INPP5A: variants seen among roughly 807,000 people sequenced by gnomAD.
INPP5A encodes 43 kDa inositol polyphosphate 5-phophatase.
In INPP5A, 14 loss-of-function variants were observed where a neutral mutation model predicts 65.2. The ratio of observed to expected loss-of-function variants is 0.21; its 90% CI spans 0.14 to 0.34. The LOEUF (loss-of-function observed/expected upper bound fraction) is 0.34, where lower values mean the gene tolerates loss of function less well. Among genes scored for constraint, INPP5A ranks in the 10% least tolerant of loss-of-function variants. The probability of loss-of-function intolerance (pLI) is 1.00; values close to 1 mark genes in which losing one functional copy is unlikely to be tolerated. For synonymous variants in INPP5A, 207 were observed against 208.3 expected, an observed-to-expected ratio of 0.99 and a Z score of 0.05; for missense variants, 431 against 545.6, an observed-to-expected ratio of 0.79 and a Z score of 2.09.
intron 11 of INPP5A, among the ~76,000 whole-genome samples, chr10:132,761,172 G>A (rs190021954): frequency 1.0e-3 from 155 of 152,298 alleles, no homozygotes; most frequent in African/African-American, 3.5e-3. Flanking sequence ...CCACATGCCC[G>A]TCTCTGGGTG....
intron 9 of INPP5A, among the ~76,000 whole-genome samples, chr10:132,732,709 G>A (rs1186837879): frequency 6.6e-6 from 1 of 152,184 alleles, no homozygotes; most frequent in Non-Finnish European, 1.5e-5. Context: ...CCCAGGGCAG[G>A]GGCGGTATCC....
chr10:132,714,564 T>C (rs1845706955), intron 8 of INPP5A, among the ~76,000 whole-genome samples: 1 of 152,118 alleles, frequency 6.6e-6, no homozygotes, highest in Non-Finnish European at 1.5e-5. Context: ...CCCAGGTCCA[T>C]GTCCCGTATC....
intron 1 of INPP5A, among the ~76,000 whole-genome samples, chr10:132,604,993 G>A (rs995409866): frequency 1.3e-5 from 2 of 152,130 alleles, no homozygotes; most frequent in Non-Finnish European, 2.9e-5. Context: ...TGTTTATCCT[G>A]AGAGAGCAGG....
At chr10:132,718,309 A>C (rs1414648942) in intron 8 of INPP5A, among the ~76,000 whole-genome samples, 3 of 141,514 alleles carry the variant, frequency 2.1e-5, no homozygotes, top group Admixed American at 7.2e-5. Flanking sequence ...AGCTGTCTTC[A>C]GGGTTCTGTG....
chr10:132,677,240 A>G (rs1456285552), intron 4 of INPP5A, among the ~76,000 whole-genome samples: 1 of 152,136 alleles, frequency 6.6e-6, no homozygotes, highest in Non-Finnish European at 1.5e-5. Context: ...CCCAGCTCAC[A>G]TTGGTCTTGG....
intron 1 of INPP5A, among the ~76,000 whole-genome samples, chr10:132,541,011 G>GACC (rs1554924439): frequency 3.7e-4 from 54 of 146,438 alleles, no homozygotes; most frequent in East Asian, 1.0e-3. Context: ...TTTTGTTTTA[G>GACC]ACAGGGTCTC....
intron 4 of INPP5A, among the ~76,000 whole-genome samples, chr10:132,677,252 G>A (rs528281221): frequency 1.3e-5 from 2 of 152,284 alleles, no homozygotes; most frequent in African/African-American, 4.8e-5. Flanking sequence ...TGGTCTTGGA[G>A]GTCCTGTGGA....
At position 132,708,515 on chromosome 10, in the gene INPP5A, C is replaced by T. The variant is rs572894659; in HGVS notation, c.527+150C>T. On this transcript the variant is annotated intron_variant, in intron 7 of 15. Transcript: ENST00000368594. ...CCTGACCCCCACCTGCCACTCTGAC[C>T]CTTTTGGTTCACGGCGATGCATTCG... 5.2e-5 allele frequency: 42 copies of T among 806,316 alleles called. No homozygotes were observed. The South Asian group carries it at 5.2e-4, about 10-fold the overall frequency. The allele number at this position is 806,316 out of a possible 1,614,324, so 49.9% of individuals were successfully genotyped here. A position where few individuals can be genotyped will look rare whatever the true frequency, so the allele number is the denominator to read the frequency against.
intron 9 of INPP5A, among the ~76,000 whole-genome samples, chr10:132,728,164 C>T (rs1055735025): frequency 1.3e-5 from 2 of 152,228 alleles, no homozygotes; most frequent in Non-Finnish European, 2.9e-5. Flanking sequence ...TTCAGTGGCT[C>T]CTGGTCGAGG....
chr10:132,705,492 G>A lies in INPP5A; in HGVS notation c.475-2821G>A, dbSNP rs1453442407. On this transcript the variant is annotated intron_variant, in intron 6 of 15. Coordinates refer to ENST00000368594, the MANE Select transcript of INPP5A (RefSeq NM_005539.5). The surrounding 1 kb of genome is among the most constrained non-coding windows in gnomAD (Gnocchi z 4.9). ...GGATGTGGGCTCAGTACCAGAGCCA[G>A]CTCGTGGTGTGAGGACGGATCCTCC... Among the ~76,000 whole-genome samples, 1 of 152,260 alleles carries A rather than the reference G, an allele frequency of 6.6e-6. No homozygotes were observed. The highest frequency in any genetic ancestry group is 1.5e-5 in the Non-Finnish European group (1 of 68,042).
intron 4 of INPP5A, among the ~76,000 whole-genome samples, chr10:132,656,836 C>T (rs1245781889): frequency 2.0e-5 from 3 of 152,224 alleles, no homozygotes; most frequent in Non-Finnish European, 4.4e-5. Context: ...GCACCCTTCC[C>T]TATGCAGCAG....
intron 2 of INPP5A, among the ~76,000 whole-genome samples, chr10:132,641,624 G>A (rs1301017288): frequency 6.6e-6 from 1 of 152,206 alleles, no homozygotes; most frequent in African/African-American, 2.4e-5. Flanking sequence ...GCACAGCTTC[G>A]CAAGGGCCCC....
rs1397274271 is a variant in INPP5A at position 132,675,849 on chromosome 10, C to T, written c.307-14543C>T. On this transcript the variant is annotated intron_variant, in intron 4 of 15. Coordinates refer to ENST00000368594, the MANE Select transcript of INPP5A (RefSeq NM_005539.5). This position sits in a 1 kb window ranked among gnomAD's most constrained non-coding sequence, Gnocchi z 4.2. The stretch of plus-strand genomic sequence containing the variant: ...CTGGCAGAAGGTATTTTGTAAACAG[C>T]TTGTGTTCAGTGTTGGCCATCTCTT... 2.0e-5 allele frequency among the ~76,000 whole-genome samples: 3 copies of T among 152,142 alleles called. No homozygotes were observed. The highest frequency in any genetic ancestry group is 4.8e-5 in the African/African-American group (2 of 41,412).
intron 1 of INPP5A, among the ~76,000 whole-genome samples, chr10:132,567,534 A>G (rs2071287452): frequency 6.6e-6 from 1 of 152,232 alleles, no homozygotes; most frequent in Non-Finnish European, 1.5e-5. Context: ...GTAAATAACC[A>G]TGCTTCGTTT....
At chr10:132,632,027 G>C (rs1039918750) in intron 2 of INPP5A, among the ~76,000 whole-genome samples, 1 of 152,234 alleles carries the variant, frequency 6.6e-6, no homozygotes, top group Non-Finnish European at 1.5e-5. Flanking sequence ...CTCGTGGGTG[G>C]AGATGTGCAC....
rs574655883 is a variant in INPP5A, at chr10:132,762,408, A to G, written c.904-3365A>G. Reference sequence around the variant, plus strand: ...ATGCAAGTGGCGGCGGGTTTCCAGAACAACCACAAAAATACACACCAGGAG... The same window carrying G: ...ATGCAAGTGGCGGCGGGTTTCCAGAGCAACCACAAAAATACACACCAGGAG... On this transcript the variant is annotated intron_variant, in intron 11 of 15. Coordinates refer to ENST00000368594, the MANE Select transcript of INPP5A (RefSeq NM_005539.5). The surrounding 1 kb of genome is among the most constrained non-coding windows in gnomAD (Gnocchi z 4.6). 2.5e-4 allele frequency among the ~76,000 whole-genome samples: 38 copies of G among 152,350 alleles called. 1 individual carries two copies. The Middle Eastern group carries it at 0.01, about 41-fold the overall frequency.
In INPP5A at chr10:132,551,511, A is replaced by C. The variant is rs2071048911; in HGVS notation, c.75+13340A>C. Among the ~76,000 whole-genome samples, 1 of 152,224 alleles carries C rather than the reference A, an allele frequency of 6.6e-6. No individual in the cohort carries two copies. Among genetic ancestry groups the C allele is most frequent in the South Asian group, 2.1e-4 (1 of 4,832 alleles). On this transcript the variant is annotated intron_variant, in intron 1 of 15. Transcript: ENST00000368594. The surrounding 1 kb of genome is among the most constrained non-coding windows in gnomAD (Gnocchi z 5.3). ...GTGGGGGGATTTGGGTGGGACTCTC[A>C]GAGGAGCTGGTTCTCTTGAGAAAGA... is the stretch of plus-strand genomic sequence containing the variant.
chr10:132,680,516 C>T (rs906558249), intron 4 of INPP5A, among the ~76,000 whole-genome samples: 5 of 152,384 alleles, frequency 3.3e-5, no homozygotes, highest in Admixed American at 2.0e-4. Flanking sequence ...TCACAGCCCT[C>T]GCTCGCTCTC....
chr10:132,761,947 G>GA (rs766668479), intron 11 of INPP5A, among the ~76,000 whole-genome samples: 7 of 152,174 alleles, frequency 4.6e-5, no homozygotes, highest in African/African-American at 1.4e-4. Flanking sequence ...ACCACACTAT[G>GA]AAAAAAATCC....
Sources: allele counts gnomAD v4.1 joint callset (sites outside exome capture counted in the v4.1 genomes callset), GRCh38; gene constraint gnomAD v4.1.1; non-coding constraint Gnocchi (gnomAD v3.1); transcripts MANE v1.5; gene names NCBI Gene and HGNC (gene_info 2026-07-23, HGNC 2026-07-21).